OR1B1: variants seen among roughly 807,000 people sequenced by gnomAD.
OR1B1 encodes the protein olfactory receptor 1B1.
For missense variants in OR1B1, 414 were observed against 402.1 expected (o/e 1.03, Z -0.25); for synonymous variants, 168 against 156.2 (o/e 1.08, Z -0.57).
chr9:122,650,683 A>G, the OR1B1 span, among the ~76,000 whole-genome samples: 54 of 152,234 alleles, frequency 3.5e-4, no homozygotes, highest in East Asian at 9.6e-3. Flanking sequence ...CATAAAAATG[A>G]TATCACCTAA....
At chr9:122,645,879 A>T in the OR1B1 span, among the ~76,000 whole-genome samples, 1 of 152,202 alleles carries the variant, frequency 6.6e-6, no homozygotes, top group East Asian at 1.9e-4. Flanking sequence ...AATAGTAAGC[A>T]CCTAGGAAAA....
the OR1B1 span, among the ~76,000 whole-genome samples, chr9:122,648,898 T>C: frequency 1.3e-5 from 2 of 152,144 alleles, no homozygotes; most frequent in Non-Finnish European, 2.9e-5. Flanking sequence ...TAGAAAAATC[T>C]ACTTTAAATT....
At chr9:122,628,541 C>T, downstream of OR1B1, 1 of 1,380,324 alleles carries the variant, frequency 7.2e-7, no homozygotes. Flanking sequence ...ATGCCCATGA[C>T]TTTTCTCACC....
chr9:122,632,819 A>G (rs1830215657), upstream of OR1B1, among the ~76,000 whole-genome samples: 2 of 152,150 alleles, frequency 1.3e-5, no homozygotes, highest in Admixed American at 6.5e-5. Context: ...TAAAGATAAT[A>G]TGAAGGGGGG....
At chr9:122,637,056 T>A in the OR1B1 span, 1 of 152,216 alleles carries the variant, frequency 6.6e-6, no homozygotes, top group African/African-American at 2.4e-5. Flanking sequence ...CATTAGAATA[T>A]AAAAATTTTA....
At chr9:122,630,942 G>A (rs964165817), upstream of OR1B1, among the ~76,000 whole-genome samples, 4 of 152,032 alleles carry the variant, frequency 2.6e-5, no homozygotes, top group Non-Finnish European at 5.9e-5. Context: ...TCCTGATCTC[G>A]TGATCCAACC....
the OR1B1 span, among the ~76,000 whole-genome samples, chr9:122,641,581 A>G: frequency 1.3e-5 from 2 of 152,214 alleles, 1 homozygote. Flanking sequence ...CCATGGAAGC[A>G]GAGAATAGAA....
chr9:122,647,871 C>T, the OR1B1 span, among the ~76,000 whole-genome samples: 3 of 152,172 alleles, frequency 2.0e-5, no homozygotes, highest in Admixed American at 2.0e-4. Flanking sequence ...ATTTCATTAA[C>T]CCTAATTCCC....
In OR1B1 at chr9:122,629,135, T is replaced by C. The variant is rs747986174; in HGVS notation, c.401A>G (p.Tyr134Cys). 5.6e-6 allele frequency: 9 copies of C among 1,613,894 alleles called. No homozygotes were observed. In the South Asian group the frequency reaches 7.7e-5, roughly 14 times the overall value. The change falls in exon 1 of 1, where the codon TAT becomes TGT. Residue 134 changes from tyrosine to cysteine, a missense_variant. Transcript: ENST00000623530. ...CCGTTGGTGATTCATTACCAAAGCA[T>C]AGTGCAGGGGGTCACAGATGGCCAC... is the stretch of plus-strand genomic sequence containing the variant.
chr9:122,632,148 T>C (rs1830209359), upstream of OR1B1, among the ~76,000 whole-genome samples: 1 of 152,148 alleles, frequency 6.6e-6, no homozygotes, highest in African/African-American at 2.4e-5. Context: ...ATAAAGTCTA[T>C]TCATTATGAA....
chr9:122,639,953 C>T, the OR1B1 span, among the ~76,000 whole-genome samples: 1 of 151,916 alleles, frequency 6.6e-6, no homozygotes, highest in Admixed American at 6.6e-5. Context: ...ACAAACTGTA[C>T]GAAGCACTCC....
At chr9:122,643,913 A>G in the OR1B1 span, among the ~76,000 whole-genome samples, 7 of 152,154 alleles carry the variant, frequency 4.6e-5, no homozygotes, top group African/African-American at 1.4e-4. Flanking sequence ...AGGATTCATC[A>G]TCTGCTGACT....
chr9:122,655,810 C>T, the OR1B1 span, among the ~76,000 whole-genome samples: 2 of 151,106 alleles, frequency 1.3e-5, no homozygotes, highest in East Asian at 3.9e-4. Flanking sequence ...CAAAACTGCA[C>T]ATCCTGCACA....
chr9:122,655,479 C>T, the OR1B1 span, among the ~76,000 whole-genome samples: 10 of 152,090 alleles, frequency 6.6e-5, no homozygotes, highest in Admixed American at 2.0e-4. Context: ...GGCACATACA[C>T]GCCATGGAAT....
At chr9:122,633,751 A>T (rs1719605935), upstream of OR1B1, among the ~76,000 whole-genome samples, 1 of 151,054 alleles carries the variant, frequency 6.6e-6, no homozygotes, top group African/African-American at 2.4e-5. Context: ...CCAACATGGA[A>T]AAACCTCGTC....
At chr9:122,629,206 C>T in exon 1 of OR1B1, 1 of 1,613,950 alleles carries the variant, frequency 6.2e-7, no homozygotes, top group Non-Finnish European at 8.5e-7. Context: ...TATCTGTAAC[C>T]CCAAATGCAT....
the OR1B1 span, among the ~76,000 whole-genome samples, chr9:122,635,448 C>A: frequency 2.0e-5 from 3 of 152,078 alleles, no homozygotes; most frequent in Non-Finnish European, 4.4e-5. Flanking sequence ...GTATACTGTA[C>A]AGCAAGAAGA....
At chr9:122,653,963 A>C in the OR1B1 span, among the ~76,000 whole-genome samples, 1,789 of 152,294 alleles carry the variant, frequency 0.012, 35 homozygotes, top group African/African-American at 0.041. Flanking sequence ...TCCAGTATTA[A>C]AAGGCAAATA....
At chr9:122,633,598 A>G (rs1471902663), upstream of OR1B1, among the ~76,000 whole-genome samples, 1 of 152,162 alleles carries the variant, frequency 6.6e-6, no homozygotes, top group Non-Finnish European at 1.5e-5. Context: ...CTTATACTCA[A>G]TAGCAAAATA....
Sources: gnomAD v4.1 joint callset for allele counts (sites outside exome capture counted in the v4.1 genomes callset) on GRCh38, gnomAD v4.1.1 for gene constraint, MANE v1.5 for transcripts, NCBI Gene and HGNC (gene_info 2026-07-23, HGNC 2026-07-21) for gene names.